Variants in ARHGAP28 observed in about 807,000 individuals in gnomAD.
ARHGAP28 encodes rho GTPase-activating protein 28.
A neutral mutation model predicts 90.7 loss-of-function variants in ARHGAP28; 56 were observed. That is an observed-to-expected ratio of 0.62 (90% CI 0.50 to 0.77). The LOEUF (loss-of-function observed/expected upper bound fraction) is 0.77, where lower values mean the gene tolerates loss of function less well. Ranked by LOEUF, ARHGAP28 falls within the 30% of genes least tolerant of loss-of-function variation. ARHGAP28 has a pLI of 0.00. For missense variants in ARHGAP28, 869 were observed against 900.9 expected, an observed-to-expected ratio of 0.96 and a Z score of 0.45; for synonymous variants, 308 against 323.3, an observed-to-expected ratio of 0.95 and a Z score of 0.51.
rs545804406 is a variant in ARHGAP28, at chr18:6,878,204, A to G, written c.1290+1996A>G. On this transcript the variant is annotated intron_variant, in intron 10 of 17. Transcript: ENST00000383472. Reference sequence around the variant, plus strand: ...GTTCATGTCCTTTGTAGGGACATGGATGAAATTGGAAATCATCATTCTCAG... The same window carrying G: ...GTTCATGTCCTTTGTAGGGACATGGGTGAAATTGGAAATCATCATTCTCAG... Among the ~76,000 whole-genome samples the G allele has an allele frequency of 2.0e-3, 311 of 152,096 alleles. 1 individual carries two copies. Among genetic ancestry groups the G allele is most frequent in the African/African-American group, 7.2e-3 (297 of 41,496 alleles).
intron 1 of ARHGAP28, among the ~76,000 whole-genome samples, chr18:6,735,061 C>G (rs561766401): frequency 6.6e-6 from 1 of 152,280 alleles, no homozygotes; most frequent in Admixed American, 6.5e-5. Context: ...TCATTAATCT[C>G]TAATGTATGC....
chr18:6,801,609 C>T (rs565373769), intron 1 of ARHGAP28, among the ~76,000 whole-genome samples: 1 of 151,572 alleles, frequency 6.6e-6, no homozygotes, highest in Non-Finnish European at 1.5e-5. Context: ...GAATTGACAT[C>T]TTTTTTTTAA....
chr18:6,781,703 A>T (rs2056325868), intron 1 of ARHGAP28, among the ~76,000 whole-genome samples: 1 of 152,212 alleles, frequency 6.6e-6, no homozygotes, highest in Non-Finnish European at 1.5e-5. Flanking sequence ...ACACTGTGGC[A>T]TTGTTCTGGG....
chr18:6,768,995 A>T (rs914751786), intron 1 of ARHGAP28, among the ~76,000 whole-genome samples: 3 of 152,096 alleles, frequency 2.0e-5, no homozygotes, highest in Non-Finnish European at 4.4e-5. Flanking sequence ...GGCTAATCTA[A>T]TATCAGTTCA....
At chr18:6,869,678 G>A (rs1178756869) in intron 6 of ARHGAP28, among the ~76,000 whole-genome samples, 2 of 152,124 alleles carry the variant, frequency 1.3e-5, no homozygotes, top group Non-Finnish European at 2.9e-5. Flanking sequence ...TAATTTTAAT[G>A]TAAAATTAAC....
rs113399281 is a variant in ARHGAP28, at chr18:6,870,468, A to C, written c.812-122A>C. On this transcript the variant is annotated intron_variant, in intron 6 of 17. Transcript: ENST00000383472. ...GGGTGAGTCTGCTGCTTTTCCTCGC[A>C]TATAAACACTGTAACGTGCTTGTGG... 23 of 1,024,434 alleles carry C rather than the reference A, an allele frequency of 2.2e-5. No homozygotes were observed. In the African/African-American group the frequency reaches 2.5e-4, roughly 11 times the overall value. 63.5% of individuals were successfully genotyped at this position (1,024,434 alleles called of 1,614,324 possible).
intron 1 of ARHGAP28, among the ~76,000 whole-genome samples, chr18:6,754,535 A>T (rs2056094269): frequency 6.6e-6 from 1 of 152,202 alleles, no homozygotes; most frequent in African/African-American, 2.4e-5. Flanking sequence ...GGCATGAAGT[A>T]GCTTTCCAGA....
chr18:6,845,138 GCA>G (rs1290896341), intron 3 of ARHGAP28, among the ~76,000 whole-genome samples: 2 of 152,126 alleles, frequency 1.3e-5, no homozygotes, highest in East Asian at 3.8e-4. Context: ...CAGTGCAGTT[GCA>G]CAGTCGTAGC....
chr18:6,734,095 A>T (rs1281245742), intron 1 of ARHGAP28, among the ~76,000 whole-genome samples: 1 of 152,216 alleles, frequency 6.6e-6, no homozygotes, highest in South Asian at 2.1e-4. Context: ...GTATATCCAC[A>T]TCCTATTGTA....
chr18:6,794,718 G>C (rs561770375), intron 1 of ARHGAP28, among the ~76,000 whole-genome samples: 2 of 152,082 alleles, frequency 1.3e-5, no homozygotes, highest in Admixed American at 6.6e-5. Context: ...GTCTTGCTCT[G>C]TTGTCCAGGC....
chr18:6,732,924 G>A (rs918711626), intron 1 of ARHGAP28, among the ~76,000 whole-genome samples: 2 of 152,016 alleles, frequency 1.3e-5, no homozygotes, highest in African/African-American at 4.8e-5. Flanking sequence ...TTTGGTACTT[G>A]CATCACTATC....
chr18:6,843,086 TTC>T (rs1455807300), intron 3 of ARHGAP28, among the ~76,000 whole-genome samples: 1 of 152,150 alleles, frequency 6.6e-6, no homozygotes. Flanking sequence ...CAAACTGAAC[TTC>T]TCTTTTTATA....
chr18:6,854,113 A>T (rs1555632632), intron 4 of ARHGAP28, among the ~76,000 whole-genome samples: 1 of 152,120 alleles, frequency 6.6e-6, no homozygotes. Context: ...GGGTTATATT[A>T]GGAACATATG....
intron 4 of ARHGAP28, among the ~76,000 whole-genome samples, chr18:6,852,447 T>C (rs999189133): frequency 3.9e-5 from 6 of 152,376 alleles, no homozygotes; most frequent in Non-Finnish European, 7.3e-5. Flanking sequence ...TATTGATTCA[T>C]AATTTACTGC....
intron 16 of ARHGAP28, among the ~76,000 whole-genome samples, chr18:6,908,759 C>T (rs1375438760): frequency 6.6e-6 from 1 of 152,152 alleles, no homozygotes; most frequent in Non-Finnish European, 1.5e-5. Context: ...GGAGCAGTCC[C>T]GTCCTCCCTG....
chr18:6,826,528 T>C (rs1367414387), intron 2 of ARHGAP28, among the ~76,000 whole-genome samples: 1 of 151,744 alleles, frequency 6.6e-6, no homozygotes, highest in African/African-American at 2.4e-5. Flanking sequence ...TTATATAATT[T>C]AATTTTTAAT....
chr18:6,885,608 T>C (rs1376588618), intron 11 of ARHGAP28, among the ~76,000 whole-genome samples: 3 of 152,198 alleles, frequency 2.0e-5, no homozygotes. Context: ...GTGACGGGGA[T>C]GTATTAAATG....
At chr18:6,797,993 ATTAAGT>A (rs1162183777) in intron 1 of ARHGAP28, among the ~76,000 whole-genome samples, 1 of 152,194 alleles carries the variant, frequency 6.6e-6, no homozygotes, top group African/African-American at 2.4e-5. Flanking sequence ...TTTTAAAAAC[ATTAAGT>A]TTAAAGGAAA....
chr18:6,740,300 A>G (rs2055965416), intron 1 of ARHGAP28, among the ~76,000 whole-genome samples: 1 of 152,170 alleles, frequency 6.6e-6, no homozygotes, highest in Non-Finnish European at 1.5e-5. Flanking sequence ...GTCCTAGACT[A>G]TGACATTGTA....
Sources: gnomAD v4.1 joint callset for allele counts (sites outside exome capture counted in the v4.1 genomes callset) on GRCh38, gnomAD v4.1.1 for gene constraint, MANE v1.5 for transcripts, NCBI Gene and HGNC (gene_info 2026-07-23, HGNC 2026-07-21) for gene names.